Variants in SAMD5 observed in about 807,000 individuals in gnomAD.
SAMD5 encodes the protein sterile alpha motif domain containing 5.
SAMD5 carries 13 observed loss-of-function variants against 11.3 expected under a neutral mutation model. The observed-to-expected ratio is 1.15, with a 90% CI of 0.75 to 1.83. The LOEUF is 1.83. Ranked by LOEUF, SAMD5 falls within the 40% of genes most tolerant of loss-of-function variation. SAMD5 has a pLI of 0.00. For synonymous variants in SAMD5, 129 were observed against 111.3 expected (o/e 1.16, Z -1.00); for missense variants, 255 against 239.1 (o/e 1.07, Z -0.44).
chr6:147,530,733 T>C (rs1788417950), intron 1 of SAMD5, among the ~76,000 whole-genome samples: 1 of 152,088 alleles, frequency 6.6e-6, no homozygotes, highest in South Asian at 2.1e-4. Context: ...TGCAAATGGC[T>C]TGGGGTGGAG....
intron 1 of SAMD5, among the ~76,000 whole-genome samples, chr6:147,697,935 G>A (rs1791199491): frequency 6.6e-6 from 1 of 152,176 alleles, no homozygotes; most frequent in Non-Finnish European, 1.5e-5. Flanking sequence ...CCAGGGACCA[G>A]TTTCATGGAA....
chr6:147,593,356 C>G (rs1789483490), intron 1 of SAMD5, among the ~76,000 whole-genome samples: 1 of 152,022 alleles, frequency 6.6e-6, no homozygotes, highest in Admixed American at 6.6e-5. Context: ...CATCAATACA[C>G]TGAAGCAAAA....
At chr6:147,548,168 C>A (rs970771976) in intron 1 of SAMD5, among the ~76,000 whole-genome samples, 3 of 152,090 alleles carry the variant, frequency 2.0e-5, no homozygotes, top group Non-Finnish European at 4.4e-5. Flanking sequence ...AGTAGAGAGA[C>A]AGCACAGAGG....
intron 1 of SAMD5, among the ~76,000 whole-genome samples, chr6:147,527,945 G>A (rs1788369253): frequency 6.6e-6 from 1 of 152,122 alleles, no homozygotes. Flanking sequence ...CAAAGCAGGA[G>A]CAGGCATCTT....
chr6:147,591,487 C>A (rs1789454253), intron 1 of SAMD5, among the ~76,000 whole-genome samples: 1 of 152,150 alleles, frequency 6.6e-6, no homozygotes, highest in Non-Finnish European at 1.5e-5. Flanking sequence ...TTCCCACTTA[C>A]ATACTAAGAA....
chr6:147,762,761 T>C, the SAMD5 span, among the ~76,000 whole-genome samples: 4 of 152,174 alleles, frequency 2.6e-5, no homozygotes, highest in African/African-American at 9.7e-5. Context: ...TTTAGTACTT[T>C]CACTCTACTC....
intron 1 of SAMD5, among the ~76,000 whole-genome samples, chr6:147,638,745 A>G (rs773731387): frequency 6.6e-6 from 1 of 152,176 alleles, no homozygotes; most frequent in Non-Finnish European, 1.5e-5. Flanking sequence ...TTGAATGCAG[A>G]TTTATTCTTC....
intron 1 of SAMD5, among the ~76,000 whole-genome samples, chr6:147,629,948 C>CTT (rs770484060): frequency 1.5e-4 from 19 of 123,224 alleles, no homozygotes; most frequent in Non-Finnish European, 2.2e-4. Flanking sequence ...GTTTTCTTTT[C>CTT]TTTTTTTTTT....
chr6:147,882,654 C>T, the SAMD5 span, among the ~76,000 whole-genome samples: 1 of 152,210 alleles, frequency 6.6e-6, no homozygotes, highest in Non-Finnish European at 1.5e-5. Flanking sequence ...CGAAGCCACT[C>T]ATTGTGTTGA....
the SAMD5 span, among the ~76,000 whole-genome samples, chr6:147,888,492 A>G: frequency 6.6e-6 from 1 of 152,002 alleles, no homozygotes; most frequent in Non-Finnish European, 1.5e-5. Context: ...TTGTTGGGGC[A>G]TTGTCTTTTA....
chr6:147,630,395 G>A (rs947763110), intron 1 of SAMD5, among the ~76,000 whole-genome samples: 6 of 152,162 alleles, frequency 3.9e-5, no homozygotes, highest in African/African-American at 1.4e-4. Context: ...CTGAGTCCAA[G>A]CCTGCACGTA....
intron 1 of SAMD5, among the ~76,000 whole-genome samples, chr6:147,580,976 T>G (rs1789289780): frequency 6.6e-6 from 1 of 152,194 alleles, no homozygotes; most frequent in African/African-American, 2.4e-5. Context: ...ATCTACCTCT[T>G]GACATTCTCT....
intron 1 of SAMD5, among the ~76,000 whole-genome samples, chr6:147,707,525 A>G (rs76104195): frequency 0.011 from 1,615 of 152,262 alleles, 25 homozygotes; most frequent in South Asian, 0.06. Flanking sequence ...AGCCTGATCT[A>G]AATAGGAAAC....
rs117178920 is a variant in SAMD5 at position 147,663,267 on chromosome 6, A to G, written c.163-74050A>G. On this transcript the variant is annotated intron_variant, in intron 1 of 1. Coordinates refer to the SAMD5 transcript ENST00000566741. ...CAATACTTGATGTAAAATTCTATCA[A>G]TTGAGAACACATGGACACATAGAGG... Among the ~76,000 whole-genome samples, 1,215 of 152,294 alleles carry G rather than the reference A, an allele frequency of 8.0e-3. 54 individuals carry two copies. The highest frequency in any genetic ancestry group is 0.064 in the Admixed American group (974 of 15,296).
chr6:147,889,831 G>A, the SAMD5 span, among the ~76,000 whole-genome samples: 1,227 of 152,268 alleles, frequency 8.1e-3, 18 homozygotes, highest in African/African-American at 0.028. Context: ...AGACATATGC[G>A]TTGATCAGGA....
intron 1 of SAMD5, among the ~76,000 whole-genome samples, chr6:147,651,771 G>A (rs1790488940): frequency 6.6e-6 from 1 of 152,156 alleles, no homozygotes; most frequent in Non-Finnish European, 1.5e-5. Flanking sequence ...TTTACATAAA[G>A]AACAAAATTA....
chr6:147,786,917 G>A, the SAMD5 span, among the ~76,000 whole-genome samples: 6 of 152,112 alleles, frequency 3.9e-5, no homozygotes, highest in African/African-American at 1.4e-4. Context: ...TGACTTCTTA[G>A]AATTTTGAGA....
At chr6:147,790,565 T>C in the SAMD5 span, among the ~76,000 whole-genome samples, 8 of 152,282 alleles carry the variant, frequency 5.3e-5, no homozygotes, top group African/African-American at 1.9e-4. Flanking sequence ...TCAATTTGAC[T>C]GGATTAACAA....
chr6:147,912,058 C>G, the SAMD5 span, among the ~76,000 whole-genome samples: 7 of 152,172 alleles, frequency 4.6e-5, no homozygotes, highest in African/African-American at 9.7e-5. Context: ...AGACCTGATG[C>G]ACCGTTACTT....
Sources: allele counts gnomAD v4.1 joint callset (sites outside exome capture counted in the v4.1 genomes callset), GRCh38; gene constraint gnomAD v4.1.1; transcripts MANE v1.5; gene names NCBI Gene and HGNC (gene_info 2026-07-23, HGNC 2026-07-21).